RAPGEF2: variants seen among roughly 807,000 people sequenced by gnomAD.
The protein encoded by RAPGEF2 is Rap guanine nucleotide exchange factor 2.
A neutral mutation model predicts 186.7 loss-of-function variants in RAPGEF2; 54 were observed. The ratio of observed to expected loss-of-function variants is 0.29; its 90% confidence interval spans 0.23 to 0.36. The LOEUF (loss-of-function observed/expected upper bound fraction) is 0.36, where lower values mean the gene tolerates loss of function less well. RAPGEF2 is among the 10% of genes least tolerant of loss of function. The pLI is 1.00. For missense variants in RAPGEF2, 1,532 were observed against 2,045.0 expected (o/e 0.75, Z 4.84); for synonymous variants, 712 against 705.9 (o/e 1.01, Z -0.14).
At chr4:159,314,855 A>G in intron 9 of RAPGEF2, 87 bp downstream of exon 9, 1 of 1,229,420 alleles carries the variant, frequency 8.1e-7, no homozygotes, top group South Asian at 1.6e-5. Flanking sequence ...CAAGACTAGT[A>G]GGCTTTAAAA....
Position 159,104,070 on chromosome 4 carries a change from G to C in RAPGEF2, c.-93G>C, listed in dbSNP as rs865865990. The C allele has an allele frequency of 1.3e-4, 96 of 712,222 alleles. No homozygotes were observed. The African/African-American group carries it at 1.7e-3, about 13-fold the overall frequency. 44.1% of individuals were successfully genotyped at this position (712,222 alleles called of 1,614,324 possible). A position where few individuals can be genotyped will look rare whatever the true frequency, so the allele number is the denominator to read the frequency against. ...CTGATTAGTCGCGGGCGGGCGGGCG[G>C]GCGCAGCGCGCAGGGCGGAGGCAGC... On this transcript the variant is annotated 5_prime_UTR_variant, in exon 1 of 30. Transcript: ENST00000691494.
At position 159,143,612 on chromosome 4, in the gene RAPGEF2, C is replaced by CT. The variant is rs201171591; in HGVS notation, c.69+39390dup. Among the ~76,000 whole-genome samples the CT allele has an allele frequency of 4.2e-3, 640 of 151,240 alleles. 2 individuals carry two copies. The highest frequency in any genetic ancestry group is 0.014 in the African/African-American group (559 of 41,222). On this transcript the variant is annotated intron_variant, in intron 1 of 29. Transcript: ENST00000691494. Reference sequence around the variant, plus strand: ...GAACTTGGGTCAAATGTAATTTTTTCTTTTTTTTTAACAGCTGCAGGGATA... The same window carrying CT: ...GAACTTGGGTCAAATGTAATTTTTTCTTTTTTTTTTAACAGCTGCAGGGATA...
intron 7 of RAPGEF2, among the ~76,000 whole-genome samples, chr4:159,277,834 C>G (rs1759123731): frequency 6.6e-6 from 1 of 152,132 alleles, no homozygotes; most frequent in African/African-American, 2.4e-5. Context: ...AGCCCTTTGT[C>G]AGATGGATAG....
rs1294091754 is a variant in RAPGEF2 at position 159,359,894 on chromosome 4, G to A, written c.*1755G>A. ...AAGCATTAAGTAATTGTAGAACATAGGACTGCTAATCTCAGTTCGCTCTGT... is the reference window on the plus strand; with the variant it reads ...AAGCATTAAGTAATTGTAGAACATAAGACTGCTAATCTCAGTTCGCTCTGT... On this transcript the variant is annotated 3_prime_UTR_variant, in exon 30 of 30. Transcript: ENST00000691494. 6.6e-6 allele frequency: 1 copy of A among 152,184 alleles called. No homozygotes were observed. The highest frequency in any genetic ancestry group is 1.5e-5 in the Non-Finnish European group (1 of 68,034). 9.4% of individuals were successfully genotyped at this position (152,184 alleles called of 1,614,324 possible).
At chr4:159,330,253 G>A in intron 12 of RAPGEF2, 81 bp from the exon 13 acceptor site, 1 of 851,032 alleles carries the variant, frequency 1.2e-6, no homozygotes, top group Non-Finnish European at 1.8e-6. Context: ...ATATGTGTGT[G>A]TGTATATGTA....
intron 1 of RAPGEF2, among the ~76,000 whole-genome samples, chr4:159,144,493 T>A (rs1742689137): frequency 6.6e-6 from 1 of 152,252 alleles, no homozygotes; most frequent in Admixed American, 6.5e-5. Context: ...TGACTAAAGC[T>A]AGGTTATGAG....
chr4:159,333,550 A>G (rs1766989978), intron 17 of RAPGEF2, among the ~76,000 whole-genome samples: 1 of 152,206 alleles, frequency 6.6e-6, no homozygotes, highest in African/African-American at 2.4e-5. Flanking sequence ...TCAACTTAGT[A>G]GTCAGAATGT....
intron 1 of RAPGEF2, among the ~76,000 whole-genome samples, chr4:159,125,118 A>G (rs972039855): frequency 6.6e-6 from 1 of 152,164 alleles, no homozygotes; most frequent in Non-Finnish European, 1.5e-5. Flanking sequence ...ATTAAGCCAC[A>G]CGCAAACAGC....
intron 20 of RAPGEF2, among the ~76,000 whole-genome samples, chr4:159,342,694 G>C (rs576472224): frequency 1.3e-5 from 2 of 151,246 alleles, no homozygotes; most frequent in African/African-American, 2.4e-5. Context: ...ACATACTGCT[G>C]TGTATGGAAA....
At chr4:159,235,848 A>T (rs1753194619) in intron 4 of RAPGEF2, among the ~76,000 whole-genome samples, 1 of 152,204 alleles carries the variant, frequency 6.6e-6, no homozygotes, top group Non-Finnish European at 1.5e-5. Flanking sequence ...ATTTCTAGCT[A>T]ACATTTTTTT....
At chr4:159,338,208 C>CA (rs568388629) in intron 17 of RAPGEF2, 103 bp from the exon 18 acceptor site, 12,184 of 903,736 alleles carry the variant, frequency 0.013, 10 homozygotes, top group East Asian at 0.022. Context: ...ACATGAGCTG[C>CA]AAAAAAAAAA....
chr4:159,187,582 A>T (rs895748637), intron 2 of RAPGEF2, among the ~76,000 whole-genome samples: 1 of 152,200 alleles, frequency 6.6e-6, no homozygotes, highest in African/African-American at 2.4e-5. Flanking sequence ...TTTCAGAGAA[A>T]CACAGTTTAT....
At chr4:159,252,180 C>T (rs1221988750) in intron 7 of RAPGEF2, among the ~76,000 whole-genome samples, 4 of 152,184 alleles carry the variant, frequency 2.6e-5, no homozygotes, top group Admixed American at 1.3e-4. Flanking sequence ...CCCACCTCAG[C>T]CTCTTTAGTA....
intron 1 of RAPGEF2, among the ~76,000 whole-genome samples, chr4:159,126,040 G>C (rs1255228379): frequency 6.6e-6 from 1 of 152,154 alleles, no homozygotes; most frequent in African/African-American, 2.4e-5. Context: ...CTTCCCAATA[G>C]CAATGTTGCT....
intron 9 of RAPGEF2, among the ~76,000 whole-genome samples, chr4:159,315,036 CAA>C (rs11353791): frequency 5.7e-4 from 83 of 145,260 alleles, no homozygotes; most frequent in African/African-American, 5.3e-4. Flanking sequence ...TAGTTTATGA[CAA>C]AAAAAAAAAA....
At chr4:159,171,583 A>G (rs1489297215) in intron 1 of RAPGEF2, among the ~76,000 whole-genome samples, 2 of 152,142 alleles carry the variant, frequency 1.3e-5, no homozygotes, top group African/African-American at 4.8e-5. Flanking sequence ...TGTCCACAAC[A>G]TCTTCCTACA....
intron 2 of RAPGEF2, among the ~76,000 whole-genome samples, chr4:159,191,983 TC>T (rs1481810816): frequency 6.6e-6 from 1 of 152,044 alleles, no homozygotes; most frequent in Non-Finnish European, 1.5e-5. Context: ...TGCAGGGTCT[TC>T]CGTGGAAGCA....
chr4:159,297,882 C>T (rs1324429329), intron 7 of RAPGEF2, among the ~76,000 whole-genome samples: 3 of 152,158 alleles, frequency 2.0e-5, no homozygotes, highest in Non-Finnish European at 4.4e-5. Flanking sequence ...ATGTTATAGC[C>T]ATTTCATAGA....
At chr4:159,181,099 C>CA (rs1248185752) in intron 1 of RAPGEF2, among the ~76,000 whole-genome samples, 1 of 152,184 alleles carries the variant, frequency 6.6e-6, no homozygotes, top group African/African-American at 2.4e-5. Flanking sequence ...GGCCCTTATA[C>CA]AACTGTGAAA....
Sources: allele counts gnomAD v4.1 joint callset (sites outside exome capture counted in the v4.1 genomes callset), GRCh38; gene constraint gnomAD v4.1.1; transcripts MANE v1.5; gene names NCBI Gene and HGNC (gene_info 2026-07-23, HGNC 2026-07-21).